Variants in NPY2R observed in about 807,000 individuals in gnomAD.
The protein encoded by NPY2R is neuropeptide Y receptor type 2.
Under a neutral mutation model 22.3 loss-of-function variants are expected in NPY2R, and 17 were observed. The observed-to-expected ratio is 0.76, with a 90% CI of 0.52 to 1.14. NPY2R has a LOEUF of 1.14. NPY2R is among the 50% of genes most tolerant of loss of function. The pLI is 0.00. For synonymous variants in NPY2R, 209 were observed against 183.4 expected (o/e 1.14, Z -1.13); for missense variants, 424 against 467.9 (o/e 0.91, Z 0.87).
At chr4:155,191,018 A>G in the NPY2R span, among the ~76,000 whole-genome samples, 2 of 151,900 alleles carry the variant, frequency 1.3e-5, no homozygotes, top group African/African-American at 2.4e-5. Context: ...ACAGAATTTT[A>G]TTGCTGGAAG....
the NPY2R span, among the ~76,000 whole-genome samples, chr4:155,195,293 G>A: frequency 1.3e-5 from 2 of 151,736 alleles, no homozygotes; most frequent in Non-Finnish European, 2.9e-5. Flanking sequence ...TGGCATATTT[G>A]CAAGATATTC....
At chr4:155,201,637 G>A in the NPY2R span, among the ~76,000 whole-genome samples, 67 of 152,204 alleles carry the variant, frequency 4.4e-4, no homozygotes, top group African/African-American at 1.5e-3. Context: ...TTAATGTCAC[G>A]TTGGAGCATC....
chr4:155,213,766 TATTTTGATCCCTAACCAAA>T, intron 1 of NPY2R, 107 bp from the exon 2 acceptor site: 2 of 638,084 alleles, frequency 3.1e-6, no homozygotes, highest in Non-Finnish European at 5.6e-6. Flanking sequence ...GAGTAGAGGA[TATTTTGATCCCTAACCAAA>T]ATTAAACCAG....
the NPY2R span, among the ~76,000 whole-genome samples, chr4:155,187,183 G>A: frequency 0.021 from 3,242 of 152,270 alleles, 128 homozygotes; most frequent in African/African-American, 0.073. Flanking sequence ...TCAGCCGTGG[G>A]TAAATTAATC....
chr4:155,205,416 C>A (rs10213564), upstream of NPY2R, among the ~76,000 whole-genome samples: 71,363 of 151,562 alleles, frequency 0.47, 17,692 homozygotes, highest in African/African-American at 0.64. Context: ...AATTACAGTG[C>A]AGGAAATCTA....
intron 1 of NPY2R, among the ~76,000 whole-genome samples, chr4:155,212,674 G>A (rs377055937): frequency 3.9e-5 from 6 of 152,286 alleles, no homozygotes; most frequent in African/African-American, 1.4e-4. Context: ...GTTAGAAGAT[G>A]ATTAGAGTAA....
At chr4:155,200,317 T>A in the NPY2R span, among the ~76,000 whole-genome samples, 1 of 152,228 alleles carries the variant, frequency 6.6e-6, no homozygotes, top group South Asian at 2.1e-4. Context: ...TACCATCTCA[T>A]GTCAGTCAGA....
In NPY2R at chr4:155,214,383, G is replaced by A. The variant is rs765660984; in HGVS notation, c.444G>A (p.Arg148=). Residue 148 remains arginine, a synonymous_variant, in exon 2 of 2, where the codon CGG becomes CGA. Transcript: ENST00000329476. ...CCTTGACAGTAATTGCCCTGGACCG[G>A]CACAGGTGCATCGTCTACCACCTAG... The part of the protein sequence containing the change: ...TITLTVIALD[R]HRCIVYHLES... 5.0e-6 allele frequency: 8 copies of A among 1,613,910 alleles called. No individual in the cohort carries two copies. In the African/African-American group the frequency reaches 1.1e-4, roughly 22 times the overall value.
chr4:155,214,751 T>C lies in NPY2R; in HGVS notation c.812T>C (p.Val271Ala). The stretch of plus-strand genomic sequence containing the variant: ...AGGCAAAAAACCACCAAAATGCTGG[T>C]GTGTGTGGTGGTGGTGTTTGCGGTC... ...QRRQKTTKML[V>A]CVVVVFAVSW... The change falls in exon 2 of 2, where the codon GTG becomes GCG. Residue 271 changes from valine to alanine, a missense_variant. Coordinates refer to ENST00000329476, the MANE Select transcript of NPY2R (RefSeq NM_000910.4). The C allele has an allele frequency of 6.2e-7, 1 of 1,614,108 alleles. No homozygotes were observed. The highest frequency in any genetic ancestry group is 8.5e-7 in the Non-Finnish European group (1 of 1,180,004).
At chr4:155,196,484 T>C in the NPY2R span, among the ~76,000 whole-genome samples, 4 of 152,054 alleles carry the variant, frequency 2.6e-5, no homozygotes, top group African/African-American at 9.6e-5. Flanking sequence ...AGATTACAGA[T>C]TGAAGCCAAG....
upstream of NPY2R, among the ~76,000 whole-genome samples, chr4:155,204,635 C>G (rs1436330099): frequency 6.6e-6 from 1 of 151,912 alleles, no homozygotes; most frequent in Admixed American, 6.6e-5. Context: ...CAGTTTATGA[C>G]TAGGCAACCA....
In NPY2R at chr4:155,215,049, C is replaced by A. The variant is rs138652181; in HGVS notation, c.1110C>A (p.Gly370=). The change falls in exon 2 of 2, where the codon GGC becomes GGA. Residue 370 remains glycine, a synonymous_variant. Coordinates refer to ENST00000329476, the MANE Select transcript of NPY2R (RefSeq NM_000910.4). ...ACCTGGAGGTCAGAAAGAACAGTGG[C>A]CCCAATGACTCTTTCACAGAGGCTA... ...KKNLEVRKNS[G]PNDSFTEATN... The A allele has an allele frequency of 1.1e-4, 176 of 1,613,472 alleles. No individual in the cohort carries two copies. In the African/African-American group the frequency reaches 2.1e-3, roughly 19 times the overall value.
the NPY2R span, among the ~76,000 whole-genome samples, chr4:155,197,650 T>C: frequency 2.6e-5 from 4 of 152,138 alleles, no homozygotes; most frequent in Non-Finnish European, 5.9e-5. Context: ...ATAGTAACTT[T>C]CACTGAAAAA....
chr4:155,205,774 C>T (rs1463161197), upstream of NPY2R, among the ~76,000 whole-genome samples: 2 of 151,940 alleles, frequency 1.3e-5, no homozygotes, highest in Non-Finnish European at 2.9e-5. Context: ...TAACATGTTA[C>T]AATATTGGAG....
the NPY2R span, among the ~76,000 whole-genome samples, chr4:155,200,030 C>T: frequency 6.6e-6 from 1 of 152,062 alleles, no homozygotes; most frequent in African/African-American, 2.4e-5. Flanking sequence ...AGCTTCTGCA[C>T]AGCAAAGTAA....
At chr4:155,179,901 G>T in the NPY2R span, among the ~76,000 whole-genome samples, 1 of 152,138 alleles carries the variant, frequency 6.6e-6, no homozygotes, top group African/African-American at 2.4e-5. Flanking sequence ...TCTCTTGGAA[G>T]AAAGCTGATG....
the NPY2R span, among the ~76,000 whole-genome samples, chr4:155,201,413 T>A: frequency 6.6e-6 from 1 of 152,154 alleles, no homozygotes; most frequent in Non-Finnish European, 1.5e-5. Flanking sequence ...CCAAGTACTA[T>A]CACCAACTCA....
At chr4:155,213,645 T>C (rs2111043787) in intron 1 of NPY2R, among the ~76,000 whole-genome samples, 1 of 152,364 alleles carries the variant, frequency 6.6e-6, no homozygotes, top group East Asian at 1.9e-4. Context: ...GGTATTATAC[T>C]TTACCGTCAT....
rs756390949 is a variant in NPY2R, at chr4:155,208,925, T to A, written c.-193T>A. 4 of 152,092 alleles carry A rather than the reference T, an allele frequency of 2.6e-5. No individual in the cohort carries two copies. Among genetic ancestry groups the A allele is most frequent in the Non-Finnish European group, 4.4e-5 (3 of 68,016 alleles). 9.4% of individuals were successfully genotyped at this position (152,092 alleles called of 1,614,324 possible). A position where few individuals can be genotyped will look rare whatever the true frequency, so the allele number is the denominator to read the frequency against. ...GGCTGCCCGCCCGCGCGGCGCGGGC[T>A]GTCCTGGACCCTAGGAGGGGACGGA... On this transcript the variant is annotated 5_prime_UTR_variant, in exon 1 of 2. Transcript: ENST00000329476. The surrounding 1 kb of genome is among the most constrained non-coding windows in gnomAD (Gnocchi z 5.6).
Sources: gnomAD v4.1 joint callset for allele counts (sites outside exome capture counted in the v4.1 genomes callset) on GRCh38, gnomAD v4.1.1 for gene constraint, Gnocchi (gnomAD v3.1) non-coding constraint, MANE v1.5 for transcripts, NCBI Gene and HGNC (gene_info 2026-07-23, HGNC 2026-07-21) for gene names.